LDLRAD3: variants seen among roughly 807,000 people sequenced by gnomAD.
The protein encoded by LDLRAD3 is low density lipoprotein receptor class A domain containing 3.
In LDLRAD3, 20 loss-of-function variants were observed where a neutral mutation model predicts 29.4. The ratio of observed to expected loss-of-function variants is 0.68; its 90% CI spans 0.48 to 0.99. LDLRAD3 has a LOEUF of 0.99. Among genes scored for constraint, LDLRAD3 ranks in the 50% least tolerant of loss-of-function variants. The probability of loss-of-function intolerance (pLI) is 0.00; values close to 1 mark genes in which losing one functional copy is unlikely to be tolerated. For missense variants in LDLRAD3, 420 were observed against 454.3 expected (o/e 0.92, Z 0.69); for synonymous variants, 157 against 192.7 (o/e 0.81, Z 1.53).
intron 1 of LDLRAD3, among the ~76,000 whole-genome samples, chr11:36,032,955 A>G (rs1852254012): frequency 6.6e-6 from 1 of 151,416 alleles, no homozygotes; most frequent in Admixed American, 6.6e-5. Flanking sequence ...GCTCACTGCA[A>G]CCTCTGCCTC....
At chr11:36,139,473 T>A (rs1032047158) in intron 4 of LDLRAD3, among the ~76,000 whole-genome samples, 2 of 152,218 alleles carry the variant, frequency 1.3e-5, no homozygotes, top group Non-Finnish European at 2.9e-5. Flanking sequence ...GTTTGCTGTA[T>A]TGATTTTTAA....
chr11:36,021,612 A>G (rs1852096980), intron 1 of LDLRAD3, among the ~76,000 whole-genome samples: 2 of 152,158 alleles, frequency 1.3e-5, no homozygotes, highest in South Asian at 4.1e-4. Flanking sequence ...ACAGATGGCA[A>G]GGGATTGAAG....
At chr11:36,173,629 T>C (rs942695368) in intron 4 of LDLRAD3, among the ~76,000 whole-genome samples, 1 of 152,098 alleles carries the variant, frequency 6.6e-6, no homozygotes, top group Non-Finnish European at 1.5e-5. Flanking sequence ...CTATTGTGAA[T>C]AATGCCACAA....
intron 2 of LDLRAD3, among the ~76,000 whole-genome samples, chr11:36,069,637 CT>C (rs59493684): frequency 0.2 from 29,210 of 144,300 alleles, 3,155 homozygotes; most frequent in East Asian, 0.43. Context: ...AGAAATAGGG[CT>C]TTTTTTTTTT....
chr11:36,018,491 C>G (rs542066631), intron 1 of LDLRAD3, among the ~76,000 whole-genome samples: 24 of 152,270 alleles, frequency 1.6e-4, no homozygotes, highest in African/African-American at 5.3e-4. Flanking sequence ...CCTATCTCCT[C>G]TTATAGACAC....
intron 1 of LDLRAD3, among the ~76,000 whole-genome samples, chr11:35,987,657 C>G (rs921702745): frequency 4.0e-4 from 61 of 152,240 alleles, no homozygotes; most frequent in Middle Eastern, 3.4e-3. Context: ...TTTATCCCAT[C>G]CATTGTTGAT....
At chr11:36,151,156 T>C (rs1416606564) in intron 4 of LDLRAD3, among the ~76,000 whole-genome samples, 2 of 152,210 alleles carry the variant, frequency 1.3e-5, no homozygotes, top group Non-Finnish European at 2.9e-5. Context: ...GTTCAAATTG[T>C]AATTCACATG....
chr11:36,145,831 A>G (rs1381734587), intron 4 of LDLRAD3, among the ~76,000 whole-genome samples: 3 of 150,404 alleles, frequency 2.0e-5, no homozygotes, highest in Non-Finnish European at 4.4e-5. Context: ...AGTCATCGCC[A>G]CTCCCTAATC....
At chr11:35,978,418 T>C (rs1851501057) in intron 1 of LDLRAD3, among the ~76,000 whole-genome samples, 1 of 152,208 alleles carries the variant, frequency 6.6e-6, no homozygotes, top group Admixed American at 6.5e-5. Context: ...GTTTGTGACA[T>C]TGTGTAACAC....
At chr11:35,999,176 G>C (rs1444726762) in intron 1 of LDLRAD3, among the ~76,000 whole-genome samples, 1 of 152,198 alleles carries the variant, frequency 6.6e-6, no homozygotes, top group Non-Finnish European at 1.5e-5. Context: ...CAGAATGTGT[G>C]TGTTCATGGG....
At chr11:35,952,752 A>G (rs924335565) in intron 1 of LDLRAD3, among the ~76,000 whole-genome samples, 2 of 152,248 alleles carry the variant, frequency 1.3e-5, no homozygotes, top group African/African-American at 4.8e-5. Flanking sequence ...TTTCTAGACA[A>G]AGATACAGTA....
At chr11:36,033,927 T>C (rs1056378534) in intron 1 of LDLRAD3, among the ~76,000 whole-genome samples, 1 of 152,158 alleles carries the variant, frequency 6.6e-6, no homozygotes, top group Non-Finnish European at 1.5e-5. Context: ...ATAGGAGAAA[T>C]TGCAGCAGAA....
intron 4 of LDLRAD3, among the ~76,000 whole-genome samples, chr11:36,180,823 C>G (rs928556282): frequency 2.6e-4 from 39 of 152,062 alleles, no homozygotes; most frequent in Admixed American, 2.6e-3. Context: ...TAAGAACGGT[C>G]AGTGCGGGCC....
At chr11:35,967,771 G>T in intron 1 of LDLRAD3, 1 of 469,278 alleles carries the variant, frequency 2.1e-6, no homozygotes, top group Non-Finnish European at 4.3e-6. Flanking sequence ...TTGGCTCTTG[G>T]AAGTGATTAG....
At chr11:36,045,585 C>G (rs1852437505) in intron 2 of LDLRAD3, among the ~76,000 whole-genome samples, 1 of 152,170 alleles carries the variant, frequency 6.6e-6, no homozygotes, top group South Asian at 2.1e-4. Context: ...TCTGTGTCCC[C>G]ACCCAAATCT....
intron 1 of LDLRAD3, among the ~76,000 whole-genome samples, chr11:35,971,564 A>G (rs527288926): frequency 9.8e-4 from 149 of 152,350 alleles, no homozygotes; most frequent in African/African-American, 3.5e-3. Flanking sequence ...GAAGGTGGTC[A>G]TCTGCAAGCC....
chr11:36,111,351 C>T (rs185088265), intron 4 of LDLRAD3, among the ~76,000 whole-genome samples: 1 of 152,026 alleles, frequency 6.6e-6, no homozygotes, highest in East Asian at 1.9e-4. Context: ...ATATCCTCCC[C>T]CTCCTGCTTC....
At chr11:36,140,843 C>T (rs1854071174) in intron 4 of LDLRAD3, among the ~76,000 whole-genome samples, 1 of 151,994 alleles carries the variant, frequency 6.6e-6, no homozygotes, top group African/African-American at 2.4e-5. Context: ...AAATAATTAC[C>T]TAGGAGCACG....
At chr11:36,130,428 T>C (rs1015119413) in intron 4 of LDLRAD3, among the ~76,000 whole-genome samples, 1 of 152,154 alleles carries the variant, frequency 6.6e-6, no homozygotes, top group Non-Finnish European at 1.5e-5. Context: ...ATCCCAGCCT[T>C]GATCCTCAGG....
Sources: allele counts gnomAD v4.1 joint callset (sites outside exome capture counted in the v4.1 genomes callset), GRCh38; gene constraint gnomAD v4.1.1; transcripts MANE v1.5; gene names NCBI Gene and HGNC (gene_info 2026-07-23, HGNC 2026-07-21).